ACAN: variants seen among roughly 807,000 people sequenced by gnomAD.
The protein encoded by ACAN is aggrecan.
In ACAN, 47 loss-of-function variants were observed where a neutral mutation model predicts 169.1. The ratio of observed to expected loss-of-function variants is 0.28; its 90% CI spans 0.22 to 0.35. The LOEUF is 0.35. Ranked by LOEUF, ACAN falls within the 10% of genes least tolerant of loss-of-function variation. The pLI is 1.00. For missense variants in ACAN, 2,716 were observed against 2,759.9 expected (o/e 0.98, Z 0.36); for synonymous variants, 1,115 against 1,112.2 (o/e 1.00, Z -0.05).
At position 88,814,277 on chromosome 15, in the gene ACAN, G is replaced by C. The variant is rs1305966168; in HGVS notation, c.-8+10468G>C. 6.6e-6 allele frequency among the ~76,000 whole-genome samples: 1 copy of C among 152,196 alleles called. No homozygotes were observed. The highest frequency in any genetic ancestry group is 2.1e-4 in the South Asian group (1 of 4,826). Reference sequence around the variant, plus strand: ...AACCACAGTACCTCCCACAGAGCAAGGGCTCTCAAAACAGTAACTGCTGTA... The same window carrying C: ...AACCACAGTACCTCCCACAGAGCAACGGCTCTCAAAACAGTAACTGCTGTA... On this transcript the variant is annotated intron_variant, in intron 1 of 18. Coordinates refer to ENST00000560601, the MANE Select transcript of ACAN (RefSeq NM_001369268.1). This position sits in a 1 kb window ranked among gnomAD's most constrained non-coding sequence, Gnocchi z 4.0.
chr15:88,848,852 A>C (rs56740206), intron 9 of ACAN, among the ~76,000 whole-genome samples: 4,145 of 152,238 alleles, frequency 0.027, 197 homozygotes, highest in African/African-American at 0.095. Flanking sequence ...GGTTTTTTTG[A>C]GTATTAAATG....
chr15:88,820,960 G>A (rs1387852953), intron 1 of ACAN, among the ~76,000 whole-genome samples: 1 of 152,186 alleles, frequency 6.6e-6, no homozygotes, highest in Non-Finnish European at 1.5e-5. Flanking sequence ...GGAAGGGGAA[G>A]CAAACACATC....
chr15:88,863,413 G>C (rs2141622132), intron 13 of ACAN, among the ~76,000 whole-genome samples: 1 of 152,296 alleles, frequency 6.6e-6, no homozygotes, highest in South Asian at 2.1e-4. Flanking sequence ...CCCACTCTGA[G>C]ATAGTCTGAT....
Position 88,849,785 on chromosome 15 carries a change from C to A in ACAN, c.2026+54C>A. The A allele has an allele frequency of 6.3e-7, 1 of 1,586,840 alleles. No individual in the cohort carries two copies. Among genetic ancestry groups the A allele is most frequent in the East Asian group, 2.3e-5 (1 of 43,304 alleles). On this transcript the variant is annotated intron_variant, in intron 10 of 18. Coordinates refer to ENST00000560601, the MANE Select transcript of ACAN (RefSeq NM_001369268.1). The surrounding 1 kb of genome is among the most constrained non-coding windows in gnomAD (Gnocchi z 5.1). Reference sequence around the variant, plus strand: ...CCCCTTTTGTCTGGAGAGGACCCCACTGGGTTCACCGGATCCTGCCACCAC... The same window carrying A: ...CCCCTTTTGTCTGGAGAGGACCCCAATGGGTTCACCGGATCCTGCCACCAC...
rs1326252854 is a variant in ACAN at position 88,865,093 on chromosome 15, C to T, written c.6947-3123C>T. ...CTATCTCTACTCCCCTGGCCTTTAT[C>T]AGGGGCTCTCAGTTATTTTCTCTCC... On this transcript the variant is annotated intron_variant, in intron 13 of 18. Coordinates refer to ENST00000560601, the MANE Select transcript of ACAN (RefSeq NM_001369268.1). Among the ~76,000 whole-genome samples, 5 of 152,340 alleles carry T rather than the reference C, an allele frequency of 3.3e-5. No individual in the cohort carries two copies. In the East Asian group the frequency reaches 9.6e-4, roughly 29 times the overall value.
chr15:88,812,033 G>T (rs1895833924), intron 1 of ACAN, among the ~76,000 whole-genome samples: 1 of 152,186 alleles, frequency 6.6e-6, no homozygotes, highest in African/African-American at 2.4e-5. Context: ...TGGGAGACCT[G>T]ATTGCTTAGA....
At chr15:88,847,876 A>G (rs755290110) in intron 8 of ACAN, 35 bp from the exon 9 acceptor site, 2 of 1,607,022 alleles carry the variant, frequency 1.2e-6, no homozygotes, top group Non-Finnish European at 1.7e-6. Flanking sequence ...CCCCTGGAAC[A>G]GGCCTTCATC....
intron 10 of ACAN, chr15:88,850,726 G>C (rs1269129432): frequency 6.6e-6 from 1 of 152,162 alleles, no homozygotes; most frequent in East Asian, 1.9e-4. Context: ...GATCACTTGA[G>C]GTTAGGAGTT....
In ACAN at chr15:88,838,647, C is replaced by A; in HGVS notation, c.71-16C>A. On this transcript the variant is annotated splice_polypyrimidine_tract_variant and intron_variant, in intron 2 of 18. Transcript: ENST00000560601. The surrounding 1 kb of genome is among the most constrained non-coding windows in gnomAD (Gnocchi z 5.1). ...GCACTAACAGGTCTCTCTTCTACCC[C>A]ACCTCTCCCACACAGACCATGACAA... is the stretch of plus-strand genomic sequence containing the variant. The A allele has an allele frequency of 6.4e-7, 1 of 1,560,416 alleles. No individual in the cohort carries two copies. Among genetic ancestry groups the A allele is most frequent in the Non-Finnish European group, 8.7e-7 (1 of 1,149,924 alleles).
chr15:88,847,938 A>C lies in ACAN; in HGVS notation c.1632A>C (p.Pro544=). 1 of 1,613,906 alleles carries C rather than the reference A, an allele frequency of 6.2e-7. No individual in the cohort carries two copies. Among genetic ancestry groups the C allele is most frequent in the Non-Finnish European group, 8.5e-7 (1 of 1,179,840 alleles). ...VRYPIVSPRT[P]CVGDKDSSPG... ...ACCCCATTGTGAGCCCCCGGACCCC[A>C]TGCGTGGGTGACAAGGACAGCAGCC... Residue 544 remains proline (P), a synonymous_variant, in exon 9 of 19, where the codon CCA becomes CCC. Transcript: ENST00000560601.
At chr15:88,825,949 C>T (rs188083072) in intron 1 of ACAN, among the ~76,000 whole-genome samples, 114 of 152,310 alleles carry the variant, frequency 7.5e-4, no homozygotes, top group Admixed American at 5.3e-3. Context: ...CTCGGACTGG[C>T]AGTGGCAGAA....
At chr15:88,819,589 T>G (rs182219976) in intron 1 of ACAN, among the ~76,000 whole-genome samples, 251 of 129,622 alleles carry the variant, frequency 1.9e-3, no homozygotes, top group African/African-American at 7.4e-3. Context: ...ATAATGAGAC[T>G]CTCGTCTCTA....
rs1410879320 is a variant in ACAN, at chr15:88,858,142, G to A, written c.5557G>A (p.Val1853Met). The A allele has an allele frequency of 2.5e-6, 4 of 1,613,922 alleles. No individual in the cohort carries two copies. In the East Asian group the frequency reaches 6.7e-5, roughly 27 times the overall value. ...TAAAGAAGAAGAAGGCTTAGGGTCT[G>A]TGGAACTCAGTGGCCTCCCTTCCGG... ...TFKEEEGLGS[V>M]ELSGLPSGEA... Residue 1853 changes from valine to methionine, a missense_variant, in exon 12 of 19, where the codon GTG becomes ATG. This residue lies in a region of ACAN where 1,389 missense variants were observed against 1,363.7 expected (regional missense o/e 1.02). Transcript: ENST00000560601. This position sits in a 1 kb window ranked among gnomAD's most constrained non-coding sequence, Gnocchi z 4.0.
Position 88,835,900 on chromosome 15 carries a change from G to A in ACAN, c.-7-300G>A, listed in dbSNP as rs938611. Among the ~76,000 whole-genome samples the A allele has an allele frequency of 0.69, 104,516 of 152,058 alleles. 36,417 individuals carry two copies. The highest frequency in any genetic ancestry group is 0.79 in the African/African-American group (32,671 of 41,488). ...ATGTCTGGTTGCCCCGGCCCAGTCA[G>A]GTTGACTCATACAATTAACCATCAC... On this transcript the variant is annotated intron_variant, in intron 1 of 18. Transcript: ENST00000560601.
chr15:88,857,962 C>T lies in ACAN; in HGVS notation c.5377C>T (p.Pro1793Ser), dbSNP rs377189756. Residue 1793 changes from proline to serine, a missense_variant, in exon 12 of 19, where the codon CCT (proline) becomes TCT (serine). Physicochemically the swap from Pro to Ser is moderately conservative, Grantham distance 74. Transcript: ENST00000560601. ...TDLSGETSGV[P>S]DLSGQPSGLP... is the part of the protein sequence containing the mutation. Reference sequence around the variant, plus strand: ...TCTGAGTGGAGAAACATCTGGGGTCCCTGATCTCAGTGGGCAGCCTTCAGG... The same window carrying T: ...TCTGAGTGGAGAAACATCTGGGGTCTCTGATCTCAGTGGGCAGCCTTCAGG... 1 of 1,613,742 alleles carries T rather than the reference C, an allele frequency of 6.2e-7. No homozygotes were observed. The highest frequency in any genetic ancestry group is 1.1e-5 in the South Asian group (1 of 91,042).
chr15:88,864,768 TTCCCCC>T (rs1405530404), intron 13 of ACAN, among the ~76,000 whole-genome samples: 1 of 152,178 alleles, frequency 6.6e-6, no homozygotes, highest in African/African-American at 2.4e-5. Flanking sequence ...CTTAAGAGGT[TTCCCCC>T]ATCCTTGCCC....
In ACAN at chr15:88,851,785, C is replaced by T; in HGVS notation, c.2027-9C>T. 1 of 1,571,806 alleles carries T rather than the reference C, an allele frequency of 6.4e-7. No homozygotes were observed. Among genetic ancestry groups the T allele is most frequent in the Admixed American group, 1.9e-5 (1 of 53,604 alleles). ...AGGGACTCACTCTGACCACCCACAT[C>T]TCCTTTAGGCATTTCAGCGGTTCCT... On this transcript the variant is annotated splice_polypyrimidine_tract_variant and intron_variant, in intron 10 of 18. Transcript: ENST00000560601. The surrounding 1 kb of genome is among the most constrained non-coding windows in gnomAD (Gnocchi z 4.3).
rs150588140 is a variant in ACAN at position 88,861,392 on chromosome 15, G to A, written c.6946+953G>A. ...ATCACTTCCACGTAAACCTCATGTC[G>A]GGCAATTATCCTTCGATAGCCTTTA... On this transcript the variant is annotated intron_variant, in intron 13 of 18. Coordinates refer to ENST00000560601, the MANE Select transcript of ACAN (RefSeq NM_001369268.1). This position sits in a 1 kb window ranked among gnomAD's most constrained non-coding sequence, Gnocchi z 6.3. Among the ~76,000 whole-genome samples the A allele has an allele frequency of 5.5e-3, 835 of 152,114 alleles. 59 individuals are homozygous for A. The South Asian group carries it at 0.15, about 27-fold the overall frequency.
At chr15:88,848,157 T>C (rs1420481808) in intron 9 of ACAN, 119 bp downstream of exon 9, 3 of 1,424,678 alleles carry the variant, frequency 2.1e-6, no homozygotes, top group African/African-American at 2.9e-5. Context: ...TCCACCCAGC[T>C]TTCCAGGTGG....
Sources: allele counts gnomAD v4.1 joint callset (sites outside exome capture counted in the v4.1 genomes callset), GRCh38; gene constraint gnomAD v4.1.1; regional missense constraint gnomAD v4.1.1; non-coding constraint Gnocchi (gnomAD v3.1); transcripts MANE v1.5; gene names NCBI Gene and HGNC (gene_info 2026-07-23, HGNC 2026-07-21).